Variants in RNGTT observed in about 807,000 individuals in gnomAD.
RNGTT encodes the protein RNA guanylyltransferase and 5'-phosphatase.
Under a neutral mutation model 79.3 loss-of-function variants are expected in RNGTT, and 33 were observed. The ratio of observed to expected loss-of-function variants is 0.42; its 90% CI spans 0.32 to 0.56. RNGTT has a LOEUF of 0.56. Among genes scored for constraint, RNGTT ranks in the 20% least tolerant of loss-of-function variants. The probability of loss-of-function intolerance (pLI) is 0.17; values close to 1 mark genes in which losing one functional copy is unlikely to be tolerated. For synonymous variants in RNGTT, 222 were observed against 235.9 expected (o/e 0.94, Z 0.54); for missense variants, 497 against 739.1 (o/e 0.67, Z 3.80).
intron 6 of RNGTT, among the ~76,000 whole-genome samples, chr6:88,899,457 T>A (rs945981471): frequency 2.6e-5 from 4 of 152,114 alleles, no homozygotes; most frequent in African/African-American, 9.7e-5. Flanking sequence ...TTTTAATTTT[T>A]TGTAGATACG....
At chr6:88,723,390 T>TC (rs1776771205) in intron 13 of RNGTT, among the ~76,000 whole-genome samples, 1 of 152,190 alleles carries the variant, frequency 6.6e-6, no homozygotes, top group African/African-American at 2.4e-5. Flanking sequence ...TGCAGCCCCC[T>TC]CAGTACAACC....
At chr6:88,689,771 G>A (rs1775414689) in intron 13 of RNGTT, among the ~76,000 whole-genome samples, 1 of 150,266 alleles carries the variant, frequency 6.7e-6, no homozygotes, top group African/African-American at 2.5e-5. Context: ...ATTGTTGCAA[G>A]CAAAAAACAT....
At chr6:88,708,393 C>G (rs1776211062) in intron 13 of RNGTT, among the ~76,000 whole-genome samples, 1 of 152,128 alleles carries the variant, frequency 6.6e-6, no homozygotes, top group Non-Finnish European at 1.5e-5. Flanking sequence ...AAGATGACCC[C>G]TGAACTTCAG....
intron 1 of RNGTT, among the ~76,000 whole-genome samples, chr6:88,961,690 C>T (rs935526982): frequency 1.3e-5 from 2 of 152,198 alleles, no homozygotes; most frequent in East Asian, 1.9e-4. Context: ...CTGTATAATA[C>T]ATTGATGGTG....
At chr6:88,927,011 G>A (rs534230776) in intron 4 of RNGTT, among the ~76,000 whole-genome samples, 12 of 151,532 alleles carry the variant, frequency 7.9e-5, no homozygotes, top group East Asian at 3.9e-4. Flanking sequence ...TAGTTTTTCC[G>A]TTAATTATCT....
intron 14 of RNGTT, among the ~76,000 whole-genome samples, chr6:88,617,943 G>C (rs1307184120): frequency 1.3e-5 from 2 of 152,014 alleles, no homozygotes; most frequent in East Asian, 3.9e-4. Flanking sequence ...GAAAACAGCT[G>C]TCAAGAAAAT....
chr6:88,821,019 A>G (rs934129061), intron 11 of RNGTT, among the ~76,000 whole-genome samples: 3 of 152,130 alleles, frequency 2.0e-5, no homozygotes, highest in Admixed American at 6.5e-5. Flanking sequence ...AAGGAGAAGA[A>G]TAAGAGCAAC....
intron 14 of RNGTT, among the ~76,000 whole-genome samples, chr6:88,662,661 G>A (rs997912710): frequency 6.6e-6 from 1 of 152,240 alleles, no homozygotes; most frequent in Non-Finnish European, 1.5e-5. Flanking sequence ...AGGCGGCTTA[G>A]GCCTGCCCTG....
intron 6 of RNGTT, among the ~76,000 whole-genome samples, chr6:88,899,156 T>C (rs756719766): frequency 7.2e-5 from 11 of 152,102 alleles, no homozygotes; most frequent in Non-Finnish European, 1.5e-4. Flanking sequence ...AACTTTTTTT[T>C]TTTCCTAATT....
At chr6:88,758,291 G>C (rs1175659535) in intron 13 of RNGTT, among the ~76,000 whole-genome samples, 4 of 152,212 alleles carry the variant, frequency 2.6e-5, no homozygotes, top group African/African-American at 7.2e-5. Flanking sequence ...TGTGATAATT[G>C]TAATTCAGAA....
intron 13 of RNGTT, among the ~76,000 whole-genome samples, chr6:88,744,831 T>C (rs1354022891): frequency 1.3e-5 from 2 of 152,140 alleles, no homozygotes; most frequent in Admixed American, 6.5e-5. Flanking sequence ...ATGAGATAAA[T>C]TTCAAGTATT....
chr6:88,749,467 C>A (rs1777772153), intron 13 of RNGTT, among the ~76,000 whole-genome samples: 2 of 145,070 alleles, frequency 1.4e-5, no homozygotes, highest in African/African-American at 2.6e-5. Context: ...TTAAATTGAG[C>A]AGGGAAAAAA....
intron 13 of RNGTT, among the ~76,000 whole-genome samples, chr6:88,732,503 G>C (rs985250590): frequency 6.6e-6 from 1 of 152,160 alleles, no homozygotes; most frequent in Non-Finnish European, 1.5e-5. Flanking sequence ...TTCCACTTCT[G>C]GGTATTTACC....
chr6:88,688,512 C>G (rs922362962), intron 13 of RNGTT, among the ~76,000 whole-genome samples: 26 of 152,036 alleles, frequency 1.7e-4, no homozygotes, highest in African/African-American at 5.6e-4. Flanking sequence ...GAAACCAGGG[C>G]TCCTTAGAGA....
intron 9 of RNGTT, among the ~76,000 whole-genome samples, chr6:88,853,183 T>A (rs144848683): frequency 1.3e-5 from 2 of 152,322 alleles, no homozygotes; most frequent in East Asian, 3.9e-4. Flanking sequence ...TAAGTATACA[T>A]AAGAAATAAA....
intron 14 of RNGTT, among the ~76,000 whole-genome samples, chr6:88,674,917 C>T (rs1023716483): frequency 3.3e-5 from 5 of 151,788 alleles, no homozygotes; most frequent in East Asian, 1.9e-4. Context: ...GCCAACATGG[C>T]GAAACCACAG....
intron 8 of RNGTT, among the ~76,000 whole-genome samples, chr6:88,885,385 G>T (rs776896997): frequency 2.6e-5 from 4 of 152,110 alleles, no homozygotes; most frequent in African/African-American, 4.8e-5. Flanking sequence ...GCTCTCAACG[G>T]TCAAATGAGA....
At chr6:88,783,264 G>A (rs547093733) in intron 12 of RNGTT, among the ~76,000 whole-genome samples, 40 of 152,166 alleles carry the variant, frequency 2.6e-4, no homozygotes, top group Non-Finnish European at 5.1e-4. Flanking sequence ...TGGAGCTGGA[G>A]AGCACTGTAC....
Position 88,683,789 on chromosome 6 carries a change from A to G in RNGTT, c.1440-5370T>C, listed in dbSNP as rs187832113. The stretch of plus-strand genomic sequence containing the variant: ...CAGCACTCTGAGAGGACAAGGTTGG[A>G]GGATCACTTGAGGCCAAGAGTTCCA... On this transcript the variant is annotated intron_variant, in intron 13 of 15. Coordinates refer to ENST00000369485, the MANE Select transcript of RNGTT (RefSeq NM_003800.5). Among the ~76,000 whole-genome samples, 295 of 152,264 alleles carry G rather than the reference A, an allele frequency of 1.9e-3. 4 individuals carry two copies. Among genetic ancestry groups the G allele is most frequent in the African/African-American group, 7.0e-3 (289 of 41,566 alleles).
Sources: allele counts gnomAD v4.1 joint callset (sites outside exome capture counted in the v4.1 genomes callset), GRCh38; gene constraint gnomAD v4.1.1; transcripts MANE v1.5; gene names NCBI Gene and HGNC (gene_info 2026-07-23, HGNC 2026-07-21).